ZMIZ1: variants seen among roughly 807,000 people sequenced by gnomAD.
ZMIZ1 encodes the protein zinc finger MIZ-type containing 1, also known as zinc finger MIZ domain-containing protein 1.
ZMIZ1 carries 17 observed loss-of-function variants against 113.9 expected under a neutral mutation model. That is an observed-to-expected ratio of 0.15 (90% CI 0.10 to 0.22). The LOEUF (loss-of-function observed/expected upper bound fraction) is 0.22. Ranked by LOEUF, ZMIZ1 falls within the 10% of genes least tolerant of loss-of-function variation. The pLI is 1.00. For missense variants in ZMIZ1, 1,059 were observed against 1,477.8 expected (o/e 0.72, Z 4.65); for synonymous variants, 607 against 603.1 (o/e 1.01, Z -0.09).
intron 8 of ZMIZ1, among the ~76,000 whole-genome samples, chr10:79,287,086 A>G (rs1398385154): frequency 6.6e-6 from 1 of 152,226 alleles, no homozygotes; most frequent in Non-Finnish European, 1.5e-5. Context: ...GCAGGTGTCC[A>G]GGGGATCTCC....
intron 1 of ZMIZ1, among the ~76,000 whole-genome samples, chr10:79,083,961 T>C (rs563892785): frequency 2.5e-4 from 38 of 152,302 alleles, no homozygotes; most frequent in Non-Finnish European, 2.1e-4. Flanking sequence ...CTGATACCCT[T>C]GTCTACCCTT....
chr10:79,234,473 T>G (rs1167039729), intron 7 of ZMIZ1, among the ~76,000 whole-genome samples: 1 of 152,238 alleles, frequency 6.6e-6, no homozygotes, highest in East Asian at 1.9e-4. Flanking sequence ...TATGGAATTT[T>G]TCTTGTAAGT....
chr10:79,087,703 A>G (rs1279256207), intron 1 of ZMIZ1, among the ~76,000 whole-genome samples: 1 of 152,178 alleles, frequency 6.6e-6, no homozygotes, highest in Non-Finnish European at 1.5e-5. Flanking sequence ...AGTGCCCTTC[A>G]TTCTCTGGCC....
At chr10:79,153,203 C>A (rs1463353181) in intron 3 of ZMIZ1, among the ~76,000 whole-genome samples, 1 of 152,250 alleles carries the variant, frequency 6.6e-6, no homozygotes, top group Non-Finnish European at 1.5e-5. Flanking sequence ...CTGGGCCATG[C>A]TCTGGGCAGA....
intron 1 of ZMIZ1, among the ~76,000 whole-genome samples, chr10:79,084,530 T>C (rs948547694): frequency 7.2e-5 from 11 of 152,164 alleles, no homozygotes; most frequent in Non-Finnish European, 1.3e-4. Context: ...ATGCTGAGGT[T>C]CTTATTAATT....
At chr10:79,200,198 C>T (rs2132649067) in intron 4 of ZMIZ1, among the ~76,000 whole-genome samples, 1 of 152,298 alleles carries the variant, frequency 6.6e-6, no homozygotes, top group South Asian at 2.1e-4. Context: ...GGTCTCCTGT[C>T]CAGCACCCTG....
At chr10:79,153,845 G>A (rs189307236) in intron 3 of ZMIZ1, among the ~76,000 whole-genome samples, 25 of 152,352 alleles carry the variant, frequency 1.6e-4, no homozygotes, top group African/African-American at 4.6e-4. Flanking sequence ...TCCTTTGTCC[G>A]GCATTTTTAA....
chr10:79,217,551 C>G (rs1031150432), intron 7 of ZMIZ1, among the ~76,000 whole-genome samples: 1 of 152,214 alleles, frequency 6.6e-6, no homozygotes, highest in Non-Finnish European at 1.5e-5. Context: ...CCTTGTATAA[C>G]AATAAAATGG....
chr10:79,203,496 C>T (rs1301754041), intron 5 of ZMIZ1, among the ~76,000 whole-genome samples: 1 of 152,180 alleles, frequency 6.6e-6, no homozygotes, highest in Non-Finnish European at 1.5e-5. Context: ...ACCTTTCACT[C>T]CGTTTCTCCC....
chr10:79,289,650 C>T (rs1853331384), intron 8 of ZMIZ1, 125 bp from the exon 9 acceptor site: 8 of 814,252 alleles, frequency 9.8e-6, no homozygotes, highest in Admixed American at 9.5e-5. Context: ...GGTCCAGTAC[C>T]GACTCGGATG....
intron 11 of ZMIZ1, chr10:79,292,814 G>A (rs1853587657): frequency 2.2e-6 from 1 of 463,116 alleles, no homozygotes; most frequent in African/African-American, 2.0e-5. Flanking sequence ...TCTGAAGGAT[G>A]GGTTAGGGGA....
intron 1 of ZMIZ1, among the ~76,000 whole-genome samples, chr10:79,112,435 G>T (rs1843784137): frequency 6.6e-6 from 1 of 152,238 alleles, no homozygotes; most frequent in African/African-American, 2.4e-5. Context: ...ATCACCGAAA[G>T]TCCTTGGGTG....
At chr10:79,275,782 G>C (rs1471069742) in intron 7 of ZMIZ1, among the ~76,000 whole-genome samples, 6 of 152,176 alleles carry the variant, frequency 3.9e-5, no homozygotes, top group African/African-American at 1.4e-4. Context: ...CTCTGTCCCT[G>C]CTGACTCTGG....
Position 79,127,449 on chromosome 10 carries a change from G to A in ZMIZ1, c.-227+8425G>A, listed in dbSNP as rs192553898. On this transcript the variant is annotated intron_variant, in intron 2 of 24. Transcript: ENST00000334512. ...CGTCAGATGGCCCAGGTTCCTGCTC[G>A]GGAAGCCCATTCTTTTCTGGAATAA... 2.6e-4 allele frequency among the ~76,000 whole-genome samples: 40 copies of A among 152,264 alleles called. No homozygotes were observed. The East Asian group carries it at 3.7e-3, about 14-fold the overall frequency.
chr10:79,072,272 G>A (rs918021858), intron 1 of ZMIZ1, among the ~76,000 whole-genome samples: 23 of 152,230 alleles, frequency 1.5e-4, no homozygotes, highest in African/African-American at 4.6e-4. Flanking sequence ...TCACGCACGC[G>A]CGCACGCACA....
chr10:79,276,515 C>T (rs1245143010), intron 7 of ZMIZ1, among the ~76,000 whole-genome samples: 3 of 152,194 alleles, frequency 2.0e-5, no homozygotes, highest in Admixed American at 1.3e-4. Context: ...CCCCACCACC[C>T]TGGCCACCCT....
In ZMIZ1 at chr10:79,175,360, C is replaced by T. The variant is rs145310610; in HGVS notation, c.-50+13227C>T. Among the ~76,000 whole-genome samples, 443 of 152,284 alleles carry T rather than the reference C, an allele frequency of 2.9e-3. 1 individual carries two copies. Among genetic ancestry groups the T allele is most frequent in the Admixed American group, 5.4e-3 (83 of 15,304 alleles). On this transcript the variant is annotated intron_variant, in intron 4 of 24. Transcript: ENST00000334512. The stretch of plus-strand genomic sequence containing the variant: ...TCTGCCTCCTTCTGTGTGTGGGCCT[C>T]CTCTCGTGATCATGCCTGTATTTCC...
chr10:79,137,908 A>G (rs1480162034), intron 2 of ZMIZ1, among the ~76,000 whole-genome samples: 3 of 152,028 alleles, frequency 2.0e-5, no homozygotes, highest in Non-Finnish European at 4.4e-5. Context: ...GGGCTCTGAC[A>G]GGGACATTTA....
At position 79,277,157 on chromosome 10, in the gene ZMIZ1, C is replaced by T. The variant is rs372475332; in HGVS notation, c.281-24C>T. 14 of 1,493,008 alleles carry T rather than the reference C, an allele frequency of 9.4e-6. No individual in the cohort carries two copies. In the African/African-American group the frequency reaches 1.7e-4, roughly 19 times the overall value. The allele number at this position is 1,493,008 out of a possible 1,614,324, so 92.5% of individuals were successfully genotyped here. On this transcript the variant is annotated intron_variant, in intron 7 of 24. Coordinates refer to ENST00000334512, the MANE Select transcript of ZMIZ1 (RefSeq NM_020338.4). Reference sequence around the variant, plus strand: ...GCAGAGCATGATGAACAAGCACCCACTGACTGTCCTGTCCTTCCTGCAGCC... The same window carrying T: ...GCAGAGCATGATGAACAAGCACCCATTGACTGTCCTGTCCTTCCTGCAGCC...
Sources: gnomAD v4.1 joint callset for allele counts (sites outside exome capture counted in the v4.1 genomes callset) on GRCh38, gnomAD v4.1.1 for gene constraint, MANE v1.5 for transcripts, NCBI Gene and HGNC (gene_info 2026-07-23, HGNC 2026-07-21) for gene names.